Variants in KRABD5 observed in about 807,000 individuals in gnomAD.
KRABD5 encodes the protein KRAB domain containing 5, also known as KRAB domain-containing protein 5.
the KRABD5 span, chr16:31,759,869 A>G: frequency 6.5e-6 from 1 of 153,220 alleles, no homozygotes; most frequent in Non-Finnish European, 1.5e-5. Flanking sequence ...TGGTATATCA[A>G]TAAAAAATTA....
At chr16:31,756,291 A>G in the KRABD5 span, 8 of 152,282 alleles carry the variant, frequency 5.3e-5, no homozygotes, top group African/African-American at 1.9e-4. Flanking sequence ...GTGTAAACAT[A>G]TAGTACATAT....
chr16:31,759,056 T>A, the KRABD5 span: 4 of 267,164 alleles, frequency 1.5e-5, no homozygotes, highest in Non-Finnish European at 7.3e-6. Flanking sequence ...TCATATTGTA[T>A]TCCCTGCAGC....
chr16:31,717,410 T>A, the KRABD5 span, among the ~76,000 whole-genome samples: 1 of 152,230 alleles, frequency 6.6e-6, no homozygotes, highest in South Asian at 2.1e-4. Flanking sequence ...AGCAGGCATC[T>A]ACCTTCAGGC....
At chr16:31,723,387 CGAGAGGTCCA>C in the KRABD5 span, 1 of 1,588,034 alleles carries the variant, frequency 6.3e-7, no homozygotes, top group Non-Finnish European at 8.6e-7. Flanking sequence ...ATGACATGGG[CGAGAGGTCCA>C]GAGATTAAGA....
chr16:31,723,790 A>G, the KRABD5 span, among the ~76,000 whole-genome samples: 2 of 152,182 alleles, frequency 1.3e-5, no homozygotes, highest in African/African-American at 2.4e-5. Context: ...TTCTGTGGAT[A>G]GATGTCACAT....
At chr16:31,734,116 G>A in the KRABD5 span, among the ~76,000 whole-genome samples, 267 of 152,088 alleles carry the variant, frequency 1.8e-3, 1 homozygote, top group African/African-American at 5.9e-3. Context: ...ACATATTTAC[G>A]GAGTACAATT....
the KRABD5 span, among the ~76,000 whole-genome samples, chr16:31,749,395 G>A: frequency 6.6e-6 from 1 of 152,370 alleles, no homozygotes; most frequent in South Asian, 2.1e-4. Context: ...TTATGCAGTT[G>A]TGAGCCCCAG....
chr16:31,749,456 C>T, the KRABD5 span, among the ~76,000 whole-genome samples: 1 of 152,236 alleles, frequency 6.6e-6, no homozygotes. Flanking sequence ...AGACAGCAGG[C>T]AGATGCAGCT....
chr16:31,743,073 G>A, the KRABD5 span, among the ~76,000 whole-genome samples: 131 of 152,020 alleles, frequency 8.6e-4, no homozygotes, highest in African/African-American at 2.9e-3. Context: ...TTGTCAGATG[G>A]GTGGTTTGTA....
At chr16:31,717,196 A>C in the KRABD5 span, among the ~76,000 whole-genome samples, 2 of 151,924 alleles carry the variant, frequency 1.3e-5, no homozygotes, top group African/African-American at 4.8e-5. Flanking sequence ...GGGTTTCACC[A>C]TGTTGTCCAG....
the KRABD5 span, among the ~76,000 whole-genome samples, chr16:31,717,099 C>G: frequency 6.9e-6 from 1 of 145,580 alleles, no homozygotes; most frequent in Non-Finnish European, 1.5e-5. Context: ...TGGGTTCAAG[C>G]GATTCTCCTG....
At chr16:31,733,638 T>A in the KRABD5 span, 9 of 455,968 alleles carry the variant, frequency 2.0e-5, no homozygotes, top group Admixed American at 2.1e-4. Flanking sequence ...GTAAGTGTAA[T>A]TAAACAGTGT....
At chr16:31,757,740 T>C in the KRABD5 span, 12 of 152,314 alleles carry the variant, frequency 7.9e-5, no homozygotes, top group African/African-American at 2.6e-4. Flanking sequence ...AGCATGAATC[T>C]TGTGGTCCTA....
the KRABD5 span, among the ~76,000 whole-genome samples, chr16:31,729,454 C>G: frequency 3.3e-5 from 5 of 152,286 alleles, no homozygotes; most frequent in Admixed American, 1.3e-4. Context: ...TTATAACAAA[C>G]GCACACTTGT....
chr16:31,729,941 A>G, the KRABD5 span, among the ~76,000 whole-genome samples: 1 of 152,112 alleles, frequency 6.6e-6, no homozygotes, highest in Admixed American at 6.5e-5. Flanking sequence ...TTTATACTAT[A>G]TATGTCACAT....
At chr16:31,751,736 C>G in the KRABD5 span, among the ~76,000 whole-genome samples, 1 of 152,064 alleles carries the variant, frequency 6.6e-6, no homozygotes, top group South Asian at 2.1e-4. Context: ...TTTGCTGATG[C>G]TTTGTATGGA....
the KRABD5 span, chr16:31,759,010 T>G: frequency 4.7e-6 from 1 of 210,840 alleles, no homozygotes; most frequent in Non-Finnish European, 9.7e-6. Context: ...GACAGTATAG[T>G]ATTAACTCTA....
chr16:31,738,043 G>C, the KRABD5 span, among the ~76,000 whole-genome samples: 2 of 152,022 alleles, frequency 1.3e-5, no homozygotes, highest in African/African-American at 4.8e-5. Flanking sequence ...GTTTTATTCT[G>C]TTGTAGTAAG....
At chr16:31,713,590 C>A in the KRABD5 span, 1 of 1,168,042 alleles carries the variant, frequency 8.6e-7, no homozygotes, top group South Asian at 1.6e-5. Flanking sequence ...GCGGCCGGGC[C>A]GGCAGCCGGG....
Sources: gnomAD v4.1 joint callset for allele counts (sites outside exome capture counted in the v4.1 genomes callset) on GRCh38, gnomAD v4.1.1 for gene constraint, MANE v1.5 for transcripts, NCBI Gene and HGNC (gene_info 2026-07-23, HGNC 2026-07-21) for gene names.